Variants in KIF16B observed in about 807,000 individuals in gnomAD.
KIF16B encodes the protein kinesin-like protein KIF16B.
A neutral mutation model predicts 156.3 loss-of-function variants in KIF16B; 98 were observed. The observed-to-expected ratio is 0.63, with a 90% CI of 0.53 to 0.74. The LOEUF (loss-of-function observed/expected upper bound fraction) is 0.74, where lower values mean the gene tolerates loss of function less well. KIF16B is among the 30% of genes least tolerant of loss of function. The pLI, the probability that KIF16B is intolerant of heterozygous loss-of-function variation, is 0.00. For missense variants in KIF16B, 1,421 were observed against 1,606.5 expected (o/e 0.88, Z 1.97); for synonymous variants, 564 against 583.7 (o/e 0.97, Z 0.49).
At chr20:16,464,640 G>A (rs906367984) in intron 12 of KIF16B, among the ~76,000 whole-genome samples, 1 of 152,110 alleles carries the variant, frequency 6.6e-6, no homozygotes, top group African/African-American at 2.4e-5. Flanking sequence ...CAAATATGAA[G>A]TGTGAAGGCC....
At chr20:16,464,556 C>A (rs943013484) in intron 12 of KIF16B, among the ~76,000 whole-genome samples, 1 of 152,094 alleles carries the variant, frequency 6.6e-6, no homozygotes, top group African/African-American at 2.4e-5. Context: ...AAACAAACAT[C>A]AAACTTGTGA....
chr20:16,399,747 C>T (rs2065602525), intron 17 of KIF16B, among the ~76,000 whole-genome samples: 1 of 152,224 alleles, frequency 6.6e-6, no homozygotes, highest in African/African-American at 2.4e-5. Flanking sequence ...TCCTCTTCCT[C>T]CCATATTTCT....
intron 1 of KIF16B, among the ~76,000 whole-genome samples, chr20:16,542,804 T>G (rs2070255503): frequency 6.6e-6 from 1 of 152,204 alleles, no homozygotes; most frequent in Non-Finnish European, 1.5e-5. Flanking sequence ...CTTCGAAACT[T>G]AAATGTAATA....
intron 12 of KIF16B, among the ~76,000 whole-genome samples, chr20:16,489,426 C>G (rs1348580102): frequency 1.7e-4 from 26 of 152,112 alleles, no homozygotes; most frequent in Admixed American, 1.7e-3. Flanking sequence ...CTCAGTGTGT[C>G]TAAATCAACA....
In KIF16B at chr20:16,486,775, T is replaced by C. The variant is rs527925342; in HGVS notation, c.1302+7516A>G. On this transcript the variant is annotated intron_variant, in intron 12 of 25. Coordinates refer to ENST00000354981, the MANE Select transcript of KIF16B (RefSeq NM_024704.5). ...GCGATAACTAACTATAAACAATATGTGTGATTATCTGAGGTCAGAAGCATC... is the reference window on the plus strand; with the variant it reads ...GCGATAACTAACTATAAACAATATGCGTGATTATCTGAGGTCAGAAGCATC... 2.0e-5 allele frequency among the ~76,000 whole-genome samples: 3 copies of C among 152,292 alleles called. No individual in the cohort carries two copies. In the South Asian group the frequency reaches 6.2e-4, roughly 32 times the overall value.
At chr20:16,308,753 TACTC>T (rs1172370666) in intron 25 of KIF16B, among the ~76,000 whole-genome samples, 1 of 152,268 alleles carries the variant, frequency 6.6e-6, no homozygotes, top group East Asian at 1.9e-4. Context: ...AAATTGCTGA[TACTC>T]CACCATTTCT....
intron 20 of KIF16B, 91 bp from the exon 21 acceptor site, chr20:16,371,852 G>A (rs2064830558): frequency 2.5e-6 from 2 of 804,912 alleles, no homozygotes; most frequent in African/African-American, 1.7e-5. Flanking sequence ...TCACAACAGG[G>A]AGCAATCTCC....
chr20:16,563,448 A>T (rs2071141608), intron 1 of KIF16B, among the ~76,000 whole-genome samples: 1 of 152,238 alleles, frequency 6.6e-6, no homozygotes, highest in African/African-American at 2.4e-5. Flanking sequence ...TATAATTAAC[A>T]TATTCTCTTT....
chr20:16,374,539 T>C (rs2123351171), intron 19 of KIF16B, 130 bp from the exon 20 acceptor site: 1 of 854,792 alleles, frequency 1.2e-6, no homozygotes, highest in Non-Finnish European at 1.6e-6. Flanking sequence ...CTTTACCTTC[T>C]AGTAGAAAAG....
At chr20:16,419,948 C>T (rs1328229441) in intron 15 of KIF16B, among the ~76,000 whole-genome samples, 3 of 152,144 alleles carry the variant, frequency 2.0e-5, no homozygotes, top group Non-Finnish European at 2.9e-5. Flanking sequence ...ATCAAATTCA[C>T]ATTTTCTTCT....
chr20:16,542,549 CCTCT>C (rs1273208275), intron 1 of KIF16B, among the ~76,000 whole-genome samples: 1 of 152,160 alleles, frequency 6.6e-6, no homozygotes, highest in Non-Finnish European at 1.5e-5. Context: ...CCAGAAAAGA[CCTCT>C]CTAAGGGGGT....
intron 5 of KIF16B, among the ~76,000 whole-genome samples, chr20:16,512,529 GGTATACACTT>G (rs1249555991): frequency 6.6e-6 from 1 of 152,112 alleles, no homozygotes; most frequent in African/African-American, 2.4e-5. Context: ...GCAAGTAATT[GGTATACACTT>G]AAAAGTCAGA....
chr20:16,523,428 T>A (rs981326800), intron 3 of KIF16B, among the ~76,000 whole-genome samples: 1 of 152,126 alleles, frequency 6.6e-6, no homozygotes, highest in African/African-American at 2.4e-5. Context: ...TGAACTCCCA[T>A]TCACAATTGC....
intron 12 of KIF16B, among the ~76,000 whole-genome samples, chr20:16,448,093 A>G (rs2066983087): frequency 6.6e-6 from 1 of 152,270 alleles, no homozygotes; most frequent in Admixed American, 6.5e-5. Flanking sequence ...ATCCTGGGCT[A>G]GGTCATCATC....
At chr20:16,298,305 A>T (rs79569368) in intron 25 of KIF16B, among the ~76,000 whole-genome samples, 12,795 of 152,298 alleles carry the variant, frequency 0.084, 710 homozygotes, top group Non-Finnish European at 0.13. Context: ...CCCTGCAGTT[A>T]TGACAGTCTC....
At chr20:16,358,753 G>T (rs1307309689) in intron 22 of KIF16B, among the ~76,000 whole-genome samples, 3 of 152,232 alleles carry the variant, frequency 2.0e-5, no homozygotes, top group African/African-American at 7.2e-5. Context: ...TATGTATCTT[G>T]TCATCCAAAT....
intron 12 of KIF16B, among the ~76,000 whole-genome samples, chr20:16,443,473 T>G (rs551555441): frequency 1.3e-5 from 2 of 152,276 alleles, no homozygotes; most frequent in East Asian, 1.9e-4. Flanking sequence ...TCCCGTCCCT[T>G]TGAGAGTTCA....
chr20:16,312,039 C>A (rs2063626709), intron 25 of KIF16B, among the ~76,000 whole-genome samples: 1 of 152,118 alleles, frequency 6.6e-6, no homozygotes, highest in African/African-American at 2.4e-5. Flanking sequence ...TATCACATAC[C>A]ATCTGTCTAT....
intron 12 of KIF16B, among the ~76,000 whole-genome samples, chr20:16,468,786 T>C (rs1230620082): frequency 6.6e-6 from 1 of 152,032 alleles, no homozygotes; most frequent in African/African-American, 2.4e-5. Flanking sequence ...ACACATCCAG[T>C]AGGCAGAAAA....
Sources: gnomAD v4.1 joint callset for allele counts (sites outside exome capture counted in the v4.1 genomes callset) on GRCh38, gnomAD v4.1.1 for gene constraint, MANE v1.5 for transcripts, NCBI Gene and HGNC (gene_info 2026-07-23, HGNC 2026-07-21) for gene names.